The following MKX variants were observed in gnomAD, a reference collection of about 807,000 sequenced individuals.
MKX encodes the protein homeobox protein Mohawk.
MKX carries 13 observed loss-of-function variants against 36.0 expected under a neutral mutation model. The observed-to-expected ratio is 0.36, with a 90% CI of 0.24 to 0.57. The LOEUF is 0.57. Among genes scored for constraint, MKX ranks in the 20% least tolerant of loss-of-function variants. The pLI is 0.79. For synonymous variants in MKX, 176 were observed against 178.3 expected, an observed-to-expected ratio of 0.99 and a Z score of 0.10; for missense variants, 458 against 456.4, an observed-to-expected ratio of 1.00 and a Z score of -0.03.
rs927353387 is a variant in MKX, at chr10:27,673,371, AAC to A, written c.*1856_*1857del. On this transcript the variant is annotated 3_prime_UTR_variant, in exon 7 of 7. Transcript: ENST00000419761. The stretch of plus-strand genomic sequence containing the variant: ...TTTAACTGAAATATGTCAAAACAAA[AAC>A]ACTTTTATTAACATATTTAATACCA... The A allele has an allele frequency of 2.0e-5, 3 of 152,628 alleles. No individual in the cohort carries two copies. Among genetic ancestry groups the A allele is most frequent in the African/African-American group, 7.2e-5 (3 of 41,468 alleles). 9.5% of individuals were successfully genotyped at this position (152,628 alleles called of 1,614,324 possible). A position where few individuals can be genotyped will look rare whatever the true frequency, so the allele number is the denominator to read the frequency against.
At chr10:27,723,279 A>G (rs936050013) in intron 5 of MKX, among the ~76,000 whole-genome samples, 3 of 152,178 alleles carry the variant, frequency 2.0e-5, no homozygotes, top group African/African-American at 7.2e-5. Context: ...CCATATTTCT[A>G]AAAAGGTCTA....
intron 5 of MKX, among the ~76,000 whole-genome samples, chr10:27,703,519 G>GAAA (rs9335643): frequency 2.0e-5 from 3 of 148,968 alleles, no homozygotes; most frequent in African/African-American, 7.4e-5. Flanking sequence ...GACATCTATG[G>GAAA]AAAAAAAAAA....
chr10:27,685,427 T>C (rs1422798587), intron 5 of MKX, among the ~76,000 whole-genome samples: 1 of 149,338 alleles, frequency 6.7e-6, no homozygotes, highest in African/African-American at 2.5e-5. Flanking sequence ...ATCTTCTTTA[T>C]ACTTTCAGCA....
At chr10:27,713,921 T>C (rs1365205462) in intron 5 of MKX, among the ~76,000 whole-genome samples, 1 of 151,110 alleles carries the variant, frequency 6.6e-6, no homozygotes, top group Admixed American at 6.6e-5. Flanking sequence ...CACTGTGTTC[T>C]AGCCTCACTT....
At chr10:27,686,827 AT>A (rs1477329037) in intron 5 of MKX, among the ~76,000 whole-genome samples, 1 of 152,048 alleles carries the variant, frequency 6.6e-6, no homozygotes, top group Non-Finnish European at 1.5e-5. Context: ...TGACTTCCAT[AT>A]TCTGGCCAGA....
At chr10:27,694,643 C>A (rs566807880) in intron 5 of MKX, among the ~76,000 whole-genome samples, 43 of 143,222 alleles carry the variant, frequency 3.0e-4, no homozygotes, top group African/African-American at 1.1e-3. Context: ...TGCAGTGAGC[C>A]GAGATCGTGC....
intron 5 of MKX, among the ~76,000 whole-genome samples, chr10:27,702,104 G>A (rs1239538930): frequency 1.3e-5 from 2 of 152,074 alleles, no homozygotes; most frequent in Non-Finnish European, 2.9e-5. Flanking sequence ...AAAGTTAGCT[G>A]TAGAACTGAA....
At chr10:27,685,876 T>G (rs993207777) in intron 5 of MKX, among the ~76,000 whole-genome samples, 2 of 152,204 alleles carry the variant, frequency 1.3e-5, no homozygotes, top group African/African-American at 2.4e-5. Flanking sequence ...ATTTTTGTGG[T>G]TATCCTCTCT....
At chr10:27,706,722 A>C (rs984205888) in intron 5 of MKX, among the ~76,000 whole-genome samples, 1 of 152,078 alleles carries the variant, frequency 6.6e-6, no homozygotes, top group Non-Finnish European at 1.5e-5. Context: ...ATGTCTATTC[A>C]AGCCCTTTGC....
rs1564357173 is a variant in MKX, at chr10:27,711,512, TTC to T, written c.838+22942_838+22943del. Among the ~76,000 whole-genome samples the T allele has an allele frequency of 4.9e-3, 664 of 136,274 alleles. 19 individuals carry two copies. The highest frequency in any genetic ancestry group is 0.019 in the African/African-American group (627 of 33,342). 89.4% of individuals were successfully genotyped at this position (136,274 alleles called of 152,430 possible). ...CTCTCTCTCTTCTTTCCTTCCTTCCTTCCTTCCTTCCTTCCTTCCTTCCTTCC... is the reference window on the plus strand; with the variant it reads ...CTCTCTCTCTTCTTTCCTTCCTTCCTCTTCCTTCCTTCCTTCCTTCCTTCC... On this transcript the variant is annotated intron_variant, in intron 5 of 6. Coordinates refer to ENST00000419761, the MANE Select transcript of MKX (RefSeq NM_173576.3).
chr10:27,735,079 TA>T, intron 4 of MKX, 141 bp downstream of exon 4: 1 of 704,714 alleles, frequency 1.4e-6, no homozygotes, highest in Non-Finnish European at 2.1e-6. Flanking sequence ...TATAGTATTA[TA>T]AAAATGAAGT....
chr10:27,696,963 C>G (rs1836565646), intron 5 of MKX, among the ~76,000 whole-genome samples: 1 of 152,176 alleles, frequency 6.6e-6, no homozygotes, highest in Non-Finnish European at 1.5e-5. Context: ...AACTGTTATA[C>G]CCATCCTTTT....
Position 27,730,177 on chromosome 10 carries a change from A to G in MKX, c.838+4279T>C, listed in dbSNP as rs1171441002. On this transcript the variant is annotated intron_variant, in intron 5 of 6. Transcript: ENST00000419761. ...GCAATGACCTTAATAACTCTGATCA[A>G]TTGCAATGGTAAAATTACTGCTGTC... Among the ~76,000 whole-genome samples the G allele has an allele frequency of 3.3e-5, 5 of 152,250 alleles. No homozygotes were observed. The East Asian group carries it at 5.8e-4, about 18-fold the overall frequency.
rs1478212238 is a variant in MKX, at chr10:27,734,512, T to C, written c.782A>G (p.Glu261Gly). 4.3e-6 allele frequency: 7 copies of C among 1,614,100 alleles called. No homozygotes were observed. The highest frequency in any genetic ancestry group is 5.9e-6 in the Non-Finnish European group (7 of 1,180,034). ...SGSFSSNEFE[E>G]ELVSPSSSET... ...TGATGACGATGGAGACACTAATTCT[T>C]CCTCAAATTCATTGGAGCTAAAAGA... Residue 261 changes from glutamate (E) to glycine (G), a missense_variant, in exon 5 of 7, where the codon GAA becomes GGA. Glu to Gly is a moderately conservative substitution (Grantham distance 98). Around this residue, in one of 3 missense-constraint regions of MKX, gnomAD observed 297 missense variants for 304.4 expected, o/e 0.98. Coordinates refer to ENST00000419761, the MANE Select transcript of MKX (RefSeq NM_173576.3).
At chr10:27,717,599 A>T (rs1446423387) in intron 5 of MKX, among the ~76,000 whole-genome samples, 1 of 152,224 alleles carries the variant, frequency 6.6e-6, no homozygotes, top group East Asian at 1.9e-4. Context: ...GCCCATCAGC[A>T]TCTCCAACAG....
chr10:27,675,432 CAG>C lies in MKX; in HGVS notation c.873-19_873-18del. The C allele has an allele frequency of 6.2e-7, 1 of 1,614,038 alleles. No homozygotes were observed. On this transcript the variant is annotated intron_variant, in intron 6 of 6. Transcript: ENST00000419761. ...TTAGCTGCGCTGGAGTTAAGCAAAA[CAG>C]AAAGTAAACGATCAAACTCACTGCA...
intron 3 of MKX, among the ~76,000 whole-genome samples, chr10:27,738,725 G>T (rs1826355137): frequency 6.6e-6 from 1 of 152,010 alleles, no homozygotes; most frequent in African/African-American, 2.4e-5. Context: ...TTTAACAAAG[G>T]TGTTTACATT....
At position 27,743,353 on chromosome 10, in the gene MKX, C is replaced by G. The variant is rs1271659479; in HGVS notation, c.63G>C (p.Ser21=). ...AGGGCCGGCCACCCCGCTCCCGCTC[C>G]GAGGCGCCTCCGTCCTCAAACAGCA... ...GAVLFEDGGA[S]ERERGGRPYS... The change falls in exon 2 of 7, where the codon TCG becomes TCC. Residue 21 remains serine (S), a synonymous_variant. Coordinates refer to ENST00000419761, the MANE Select transcript of MKX (RefSeq NM_173576.3). The G allele has an allele frequency of 1.3e-6, 2 of 1,580,962 alleles. No homozygotes were observed. Among genetic ancestry groups the G allele is most frequent in the Non-Finnish European group, 1.7e-6 (2 of 1,166,206 alleles).
At chr10:27,693,946 C>T (rs1250255865) in intron 5 of MKX, among the ~76,000 whole-genome samples, 1 of 152,110 alleles carries the variant, frequency 6.6e-6, no homozygotes, top group Non-Finnish European at 1.5e-5. Context: ...ATACTGTTCT[C>T]ATGGTAGTGA....
Sources: gnomAD v4.1 joint callset for allele counts (sites outside exome capture counted in the v4.1 genomes callset) on GRCh38, gnomAD v4.1.1 for gene constraint, gnomAD v4.1.1 regional missense constraint, MANE v1.5 for transcripts, NCBI Gene and HGNC (gene_info 2026-07-23, HGNC 2026-07-21) for gene names.